ABHD5: variants seen among roughly 807,000 people sequenced by gnomAD.
ABHD5 encodes abhydrolase domain containing 5, lysophosphatidic acid acyltransferase.
A neutral mutation model predicts 44.9 loss-of-function variants in ABHD5; 30 were observed. The observed-to-expected ratio is 0.67, with a 90% CI of 0.50 to 0.91. ABHD5 has a LOEUF of 0.91. Among genes scored for constraint, ABHD5 ranks in the 40% least tolerant of loss-of-function variants. ABHD5 has a pLI of 0.00. For synonymous variants in ABHD5, 167 were observed against 147.0 expected (o/e 1.14, Z -0.99); for missense variants, 399 against 423.4 (o/e 0.94, Z 0.50).
At chr3:43,710,415 G>C (rs2084673213) in intron 3 of ABHD5, among the ~76,000 whole-genome samples, 1 of 152,176 alleles carries the variant, frequency 6.6e-6, no homozygotes, top group Non-Finnish European at 1.5e-5. Flanking sequence ...GTCGGCATCT[G>C]CTGGTATGCT....
chr3:43,694,258 C>CA (rs80129256), intron 1 of ABHD5, among the ~76,000 whole-genome samples: 2,938 of 44,654 alleles, frequency 0.066, 106 homozygotes, highest in East Asian at 0.13. Context: ...GACTCCGTCT[C>CA]AAAAAAAAAA....
At chr3:43,728,559 A>T (rs1420835135) in intron 7 of ABHD5, among the ~76,000 whole-genome samples, 1 of 152,182 alleles carries the variant, frequency 6.6e-6, no homozygotes, top group Non-Finnish European at 1.5e-5. Flanking sequence ...AAATAATGAG[A>T]TGACACCAAT....
chr3:43,694,030 G>C (rs771096692), intron 1 of ABHD5, among the ~76,000 whole-genome samples: 2 of 144,682 alleles, frequency 1.4e-5, no homozygotes, highest in South Asian at 4.5e-4. Context: ...AGTTCTGGCC[G>C]GGCGCCGTGG....
intron 2 of ABHD5, among the ~76,000 whole-genome samples, chr3:43,701,706 A>G (rs573949909): frequency 1.6e-4 from 24 of 152,314 alleles, no homozygotes; most frequent in Middle Eastern, 3.4e-3. Context: ...TTACATGTTT[A>G]ACATAGATAC....
At chr3:43,700,554 G>A (rs2084528396) in intron 2 of ABHD5, among the ~76,000 whole-genome samples, 1 of 151,812 alleles carries the variant, frequency 6.6e-6, no homozygotes. Flanking sequence ...CTTAGGAAGG[G>A]ATAATTAGCC....
At chr3:43,732,777 A>C (rs1170432404) in intron 7 of ABHD5, among the ~76,000 whole-genome samples, 1 of 152,170 alleles carries the variant, frequency 6.6e-6, no homozygotes, top group Admixed American at 6.5e-5. Context: ...AGATCTTTGC[A>C]TGGCCGCAGT....
Position 43,731,700 on chromosome 3 carries a change from C to T in ABHD5, c.*30-2180C>T, listed in dbSNP as rs138761255. Among the ~76,000 whole-genome samples, 732 of 152,166 alleles carry T rather than the reference C, an allele frequency of 4.8e-3. 6 individuals carry two copies. The highest frequency in any genetic ancestry group is 0.017 in the African/African-American group (696 of 41,512). ...TACAAAAATTAGCCGGGTGTGGTGG[C>T]GCATGCCTGTAATCCCAACTACTCA... On this transcript the variant is annotated intron_variant, in intron 7 of 7. Coordinates refer to the ABHD5 transcript ENST00000454293.
intron 3 of ABHD5, among the ~76,000 whole-genome samples, chr3:43,710,154 A>G (rs1559415517): frequency 6.6e-6 from 1 of 152,222 alleles, no homozygotes; most frequent in Admixed American, 6.5e-5. Context: ...CTGATACACT[A>G]TTAGAAAATG....
intron 3 of ABHD5, among the ~76,000 whole-genome samples, chr3:43,708,151 A>G (rs907841296): frequency 1.3e-5 from 2 of 152,210 alleles, no homozygotes; most frequent in African/African-American, 2.4e-5. Context: ...ATGCCTTTGT[A>G]TATTTCAAAA....
At chr3:43,692,064 G>A (rs989504650) in intron 1 of ABHD5, among the ~76,000 whole-genome samples, 9 of 152,138 alleles carry the variant, frequency 5.9e-5, no homozygotes, top group African/African-American at 1.9e-4. Context: ...GTTTCTCAAG[G>A]CCTGTCGTTT....
At chr3:43,697,148 A>G (rs1033726418) in intron 1 of ABHD5, among the ~76,000 whole-genome samples, 11 of 152,310 alleles carry the variant, frequency 7.2e-5, no homozygotes, top group African/African-American at 2.2e-4. Context: ...TTCTTCCATT[A>G]CAGGCTGGTA....
intron 1 of ABHD5, 169 bp downstream of exon 1, chr3:43,691,208 G>A: frequency 1.8e-6 from 1 of 565,358 alleles, no homozygotes; most frequent in South Asian, 5.0e-5. Context: ...AGGCGTCCCG[G>A]CGCCGCTCTG....
intron 3 of ABHD5, among the ~76,000 whole-genome samples, chr3:43,703,011 C>G (rs1057422412): frequency 1.4e-4 from 21 of 152,068 alleles, no homozygotes; most frequent in African/African-American, 5.1e-4. Flanking sequence ...TAGAGCAAAT[C>G]ACTTAACCTC....
In ABHD5 at chr3:43,718,678, A is replaced by T; in HGVS notation, c.*146A>T. 1 of 772,658 alleles carries T rather than the reference A, an allele frequency of 1.3e-6. No individual in the cohort carries two copies. Among genetic ancestry groups the T allele is most frequent in the Non-Finnish European group, 2.3e-6 (1 of 443,766 alleles). 47.9% of individuals were successfully genotyped at this position (772,658 alleles called of 1,614,324 possible). A position where few individuals can be genotyped will look rare whatever the true frequency, so the allele number is the denominator to read the frequency against. ...TTGCACATGTTTTCTTTAGGAATTC[A>T]CTCACACATTTAAACCAGTTAGTGC... On this transcript the variant is annotated 3_prime_UTR_variant, in exon 7 of 7. Coordinates refer to ENST00000644371, the MANE Select transcript of ABHD5 (RefSeq NM_016006.6).
Position 43,708,436 on chromosome 3 carries a change from G to A in ABHD5, c.507-3273G>A, listed in dbSNP as rs183687198. ...AGGAGATAATATTTTTACTAAAAGC[G>A]GAGGTTAGAAGATAGCCTGGGACCT... On this transcript the variant is annotated intron_variant, in intron 3 of 6. Transcript: ENST00000644371. Among the ~76,000 whole-genome samples, 53 of 152,308 alleles carry A rather than the reference G, an allele frequency of 3.5e-4. 1 individual carries two copies. The highest frequency in any genetic ancestry group is 3.4e-3 in the Middle Eastern group (1 of 294).
At chr3:43,690,915 G>A, upstream of ABHD5, 4 of 1,472,868 alleles carry the variant, frequency 2.7e-6, no homozygotes, top group Non-Finnish European at 3.6e-6. Flanking sequence ...CGCCTTAAGT[G>A]CCGCGCCAGC....
At chr3:43,706,838 C>T (rs377126188) in intron 3 of ABHD5, among the ~76,000 whole-genome samples, 1 of 152,046 alleles carries the variant, frequency 6.6e-6, no homozygotes, top group Non-Finnish European at 1.5e-5. Flanking sequence ...CCTTACTTTC[C>T]GTTTTATGCA....
At chr3:43,699,491 C>A in intron 2 of ABHD5, 130 bp downstream of exon 2, 1 of 920,866 alleles carries the variant, frequency 1.1e-6, no homozygotes. Flanking sequence ...TTTCCTTTTC[C>A]TTGTCATTAG....
downstream of ABHD5, among the ~76,000 whole-genome samples, chr3:43,726,899 A>G (rs2084881452): frequency 6.6e-6 from 1 of 152,140 alleles, no homozygotes; most frequent in Non-Finnish European, 1.5e-5. Context: ...CAATTGTTTC[A>G]TTTTGTGGTT....
Sources: allele counts gnomAD v4.1 joint callset (sites outside exome capture counted in the v4.1 genomes callset), GRCh38; gene constraint gnomAD v4.1.1; transcripts MANE v1.5; gene names NCBI Gene and HGNC (gene_info 2026-07-23, HGNC 2026-07-21).